Variants in BCL2 observed in about 807,000 individuals in gnomAD.
BCL2 encodes BCL2 apoptosis regulator.
BCL2 carries 1 observed loss-of-function variant against 14.2 expected under a neutral mutation model. The ratio of observed to expected loss-of-function variants is 0.07; its 90% CI spans 0.02 to 0.33. The LOEUF (loss-of-function observed/expected upper bound fraction) is 0.33, where lower values mean the gene tolerates loss of function less well. Among genes scored for constraint, BCL2 ranks in the 10% least tolerant of loss-of-function variants. The pLI, the probability that BCL2 is intolerant of heterozygous loss-of-function variation, is 0.99. For synonymous variants in BCL2, 151 were observed against 137.2 expected (o/e 1.10, Z -0.70); for missense variants, 247 against 305.9 (o/e 0.81, Z 1.44).
chr18:63,170,592 G>A (rs1029153236), intron 2 of BCL2, among the ~76,000 whole-genome samples: 5 of 152,130 alleles, frequency 3.3e-5, no homozygotes, highest in Admixed American at 6.5e-5. Flanking sequence ...AGTCACATTC[G>A]GTATATGACC....
Position 63,123,488 on chromosome 18 carries a change from T to G in BCL2, c.*5137A>C, listed in dbSNP as rs951312863. On this transcript the variant is annotated 3_prime_UTR_variant, in exon 3 of 3. Transcript: ENST00000333681. ...TGGCCAACTGGAGACTTACTTTACC[T>G]TAACCATGTAAAGTATCCTTACCGT... 9.8e-6 allele frequency: 2 copies of G among 204,300 alleles called. No homozygotes were observed. The highest frequency in any genetic ancestry group is 4.6e-5 in the African/African-American group (2 of 43,642). The allele number at this position is 204,300 out of a possible 1,614,324, so 12.7% of individuals were successfully genotyped here.
At chr18:63,298,274 T>C (rs189748679) in intron 2 of BCL2, among the ~76,000 whole-genome samples, 9 of 152,324 alleles carry the variant, frequency 5.9e-5, no homozygotes, top group African/African-American at 2.2e-4. Context: ...TCAGTCGTGG[T>C]TGTAATGATC....
intron 2 of BCL2, among the ~76,000 whole-genome samples, chr18:63,293,006 C>G (rs1912695441): frequency 1.3e-5 from 2 of 152,128 alleles, no homozygotes; most frequent in Non-Finnish European, 2.9e-5. Context: ...AGGGTGTGTC[C>G]CCACAGGGGA....
chr18:63,212,103 G>A (rs1330620048), intron 2 of BCL2, among the ~76,000 whole-genome samples: 2 of 152,052 alleles, frequency 1.3e-5, no homozygotes, highest in Admixed American at 6.6e-5. Context: ...TGAGGCAGGT[G>A]GATCACAAGG....
intron 2 of BCL2, among the ~76,000 whole-genome samples, chr18:63,245,224 T>C (rs961698029): frequency 6.6e-6 from 1 of 152,202 alleles, no homozygotes; most frequent in Admixed American, 6.5e-5. Context: ...ACATGACTGG[T>C]ATTAGCTTCT....
At chr18:63,311,495 T>C (rs1003019196) in intron 2 of BCL2, among the ~76,000 whole-genome samples, 1 of 152,194 alleles carries the variant, frequency 6.6e-6, no homozygotes, top group Non-Finnish European at 1.5e-5. Context: ...AAACCTCCCC[T>C]GAAAAATTAA....
chr18:63,210,353 G>C (rs1330497643), intron 2 of BCL2, among the ~76,000 whole-genome samples: 1 of 152,126 alleles, frequency 6.6e-6, no homozygotes, highest in African/African-American at 2.4e-5. Context: ...GGGCTAGTGT[G>C]GACTTCAGGC....
intron 2 of BCL2, among the ~76,000 whole-genome samples, chr18:63,173,603 C>T (rs958842562): frequency 2.0e-5 from 3 of 152,132 alleles, no homozygotes; most frequent in East Asian, 1.9e-4. Context: ...AAAAACAAAT[C>T]GAAAGAAAAA....
At position 63,149,697 on chromosome 18, in the gene BCL2, A is replaced by G. The variant is rs776599341; in HGVS notation, c.586-20938T>C. Among the ~76,000 whole-genome samples, 1 of 152,182 alleles carries G rather than the reference A, an allele frequency of 6.6e-6. No homozygotes were observed. The highest frequency in any genetic ancestry group is 1.5e-5 in the Non-Finnish European group (1 of 68,034). ...AGGCCTGAAAAATAACACTGTTATG[A>G]CAGTGACCGGCAGATGATTAACAGT... is the stretch of plus-strand genomic sequence containing the variant. On this transcript the variant is annotated intron_variant, in intron 2 of 2. Transcript: ENST00000333681. The surrounding 1 kb of genome is among the most constrained non-coding windows in gnomAD (Gnocchi z 4.2).
chr18:63,198,554 A>T (rs1381036527), intron 2 of BCL2, among the ~76,000 whole-genome samples: 1 of 146,262 alleles, frequency 6.8e-6, no homozygotes, highest in Non-Finnish European at 1.5e-5. Flanking sequence ...AGACACACAT[A>T]GACACAGACA....
chr18:63,148,109 T>TC (rs891947564), intron 2 of BCL2, among the ~76,000 whole-genome samples: 2 of 151,878 alleles, frequency 1.3e-5, no homozygotes, highest in Non-Finnish European at 2.9e-5. Context: ...GCTTCCCCGC[T>TC]CCCCCCCATT....
chr18:63,307,679 C>T (rs1411947988), intron 2 of BCL2, among the ~76,000 whole-genome samples: 2 of 152,190 alleles, frequency 1.3e-5, no homozygotes, highest in Admixed American at 6.5e-5. Flanking sequence ...GGCAGCAGCA[C>T]AGGGGACAGA....
chr18:63,169,311 C>CTTTCTTT (rs1568222484), intron 2 of BCL2, among the ~76,000 whole-genome samples: 1,561 of 33,078 alleles, frequency 0.047, 28 homozygotes, highest in Non-Finnish European at 0.052. Context: ...TTTCTTTCTT[C>CTTTCTTT]CTTCCTTCCT....
intron 2 of BCL2, among the ~76,000 whole-genome samples, chr18:63,256,956 A>C (rs1911494907): frequency 6.6e-6 from 1 of 152,256 alleles, no homozygotes; most frequent in Admixed American, 6.5e-5. Flanking sequence ...GGGAAAAATG[A>C]GGGAAAGTAA....
chr18:63,320,090 C>CGGCGGGCG (rs943188000), upstream of BCL2: 4 of 146,446 alleles, frequency 2.7e-5, no homozygotes, highest in Admixed American at 6.8e-5. Flanking sequence ...GGCGGGAGCG[C>CGGCGGGCG]GGCGGGCGGG....
chr18:63,296,243 T>C (rs1020760955), intron 2 of BCL2, among the ~76,000 whole-genome samples: 7 of 152,238 alleles, frequency 4.6e-5, no homozygotes, highest in Non-Finnish European at 7.3e-5. Context: ...GAAAGTTCTA[T>C]TTCCAACCTT....
chr18:63,154,463 G>T (rs373282075), intron 2 of BCL2, among the ~76,000 whole-genome samples: 1 of 152,026 alleles, frequency 6.6e-6, no homozygotes. Context: ...TCCACAGGGC[G>T]AGCTGGCCCT....
chr18:63,255,207 C>T (rs185695658), intron 2 of BCL2, among the ~76,000 whole-genome samples: 40 of 152,302 alleles, frequency 2.6e-4, no homozygotes, highest in Non-Finnish European at 5.3e-4. Context: ...TTGTCACCTT[C>T]TCTAGTTTCA....
chr18:63,297,936 G>T (rs1378190911), intron 2 of BCL2, among the ~76,000 whole-genome samples: 1 of 152,152 alleles, frequency 6.6e-6, no homozygotes, highest in African/African-American at 2.4e-5. Flanking sequence ...CCTGGGATCC[G>T]TATTCCTGTG....
Sources: allele counts gnomAD v4.1 joint callset (sites outside exome capture counted in the v4.1 genomes callset), GRCh38; gene constraint gnomAD v4.1.1; non-coding constraint Gnocchi (gnomAD v3.1); transcripts MANE v1.5; gene names NCBI Gene and HGNC (gene_info 2026-07-23, HGNC 2026-07-21).